LARP4B: variants seen among roughly 807,000 people sequenced by gnomAD.
LARP4B encodes the protein La ribonucleoprotein 4B.
A neutral mutation model predicts 89.8 loss-of-function variants in LARP4B; 12 were observed. The ratio of observed to expected loss-of-function variants is 0.13; its 90% CI spans 0.09 to 0.22. LARP4B has a LOEUF of 0.22. LARP4B is among the 10% of genes least tolerant of loss of function. The pLI, the probability that LARP4B is intolerant of heterozygous loss-of-function variation, is 1.00. For synonymous variants in LARP4B, 367 were observed against 363.3 expected, an observed-to-expected ratio of 1.01 and a Z score of -0.12; for missense variants, 757 against 947.7, an observed-to-expected ratio of 0.80 and a Z score of 2.64.
intron 1 of LARP4B, among the ~76,000 whole-genome samples, chr10:904,275 C>T (rs1047725733): frequency 1.3e-5 from 2 of 152,084 alleles, no homozygotes; most frequent in African/African-American, 4.8e-5. Context: ...TAAAATAGGC[C>T]GGGTGCAGTG....
chr10:941,601 G>A, the LARP4B span, among the ~76,000 whole-genome samples: 5 of 152,278 alleles, frequency 3.3e-5, no homozygotes, highest in South Asian at 8.3e-4. Context: ...GATTACAGGC[G>A]CGAGCCACTG....
At chr10:973,908 C>A in the LARP4B span, among the ~76,000 whole-genome samples, 4 of 152,258 alleles carry the variant, frequency 2.6e-5, no homozygotes, top group Non-Finnish European at 5.9e-5. Context: ...TGAGGTGTGA[C>A]AGAGTATTTC....
At chr10:941,407 G>A in the LARP4B span, among the ~76,000 whole-genome samples, 5 of 152,304 alleles carry the variant, frequency 3.3e-5, no homozygotes, top group Middle Eastern at 3.4e-3. Flanking sequence ...CTCTGCTCCT[G>A]GGTTCAAGCG....
At chr10:852,086 G>GT (rs1834084289) in intron 5 of LARP4B, among the ~76,000 whole-genome samples, 1 of 151,834 alleles carries the variant, frequency 6.6e-6, no homozygotes, top group Admixed American at 6.6e-5. Flanking sequence ...AGTAAGTTTA[G>GT]TAAGTAAGAA....
chr10:947,970 C>T, the LARP4B span, among the ~76,000 whole-genome samples: 4 of 152,190 alleles, frequency 2.6e-5, no homozygotes, highest in East Asian at 5.8e-4. Flanking sequence ...TGGCTGAAAA[C>T]TTACCACGCT....
chr10:898,880 A>C (rs931737461), intron 1 of LARP4B, among the ~76,000 whole-genome samples: 1 of 152,212 alleles, frequency 6.6e-6, no homozygotes, highest in Non-Finnish European at 1.5e-5. Context: ...ATGCACATAT[A>C]ATTTTGCTAT....
At chr10:839,532 G>C (rs1833407301) in intron 7 of LARP4B, among the ~76,000 whole-genome samples, 1 of 152,184 alleles carries the variant, frequency 6.6e-6, no homozygotes, top group Non-Finnish European at 1.5e-5. Context: ...AGGCAAATAA[G>C]CTCATTTAAA....
rs565022429 is a variant in LARP4B at position 814,675 on chromosome 10, T to C, written c.1929+67A>G. 6.4e-7 allele frequency: 1 copy of C among 1,552,740 alleles called. No homozygotes were observed. The highest frequency in any genetic ancestry group is 1.4e-5 in the African/African-American group (1 of 73,042). On this transcript the variant is annotated intron_variant, in intron 17 of 17. Transcript: ENST00000316157. This position sits in a 1 kb window ranked among gnomAD's most constrained non-coding sequence, Gnocchi z 4.4. Reference sequence around the variant, plus strand: ...ATTAAAAAACGAGCAGGTGCAGGAGTGCGCAGCGTCTGTTCACACCAGAGC... The same window carrying C: ...ATTAAAAAACGAGCAGGTGCAGGAGCGCGCAGCGTCTGTTCACACCAGAGC...
intron 5 of LARP4B, among the ~76,000 whole-genome samples, chr10:858,989 A>C (rs952595156): frequency 6.6e-6 from 1 of 152,068 alleles, no homozygotes; most frequent in Non-Finnish European, 1.5e-5. Flanking sequence ...CTGTCTCTAC[A>C]AAAAATACAA....
chr10:969,094 C>CT, the LARP4B span, among the ~76,000 whole-genome samples: 1 of 152,276 alleles, frequency 6.6e-6, no homozygotes, highest in South Asian at 2.1e-4. Flanking sequence ...ACCAGGAACT[C>CT]TGTCTTATGA....
rs1312846124 is a variant in LARP4B at position 867,716 on chromosome 10, C to T, written c.142-3446G>A. ...TCTCTACTGAAAATACAAAAGTTAG[C>T]TGGGTGTGGTGGCACACACCTGTAA... On this transcript the variant is annotated intron_variant, in intron 3 of 17. Transcript: ENST00000316157. Among the ~76,000 whole-genome samples, 4 of 151,924 alleles carry T rather than the reference C, an allele frequency of 2.6e-5. No homozygotes were observed. In the East Asian group the frequency reaches 5.8e-4, roughly 22 times the overall value.
the LARP4B span, among the ~76,000 whole-genome samples, chr10:958,262 T>C: frequency 6.6e-6 from 1 of 152,178 alleles, no homozygotes; most frequent in African/African-American, 2.4e-5. Flanking sequence ...CTTAGCTGGG[T>C]GCTTGCAAAC....
chr10:930,972 C>T (rs1250492537), intron 1 of LARP4B, among the ~76,000 whole-genome samples: 1 of 150,070 alleles, frequency 6.7e-6, no homozygotes, highest in East Asian at 1.9e-4. Context: ...ACCCCGGCCC[C>T]GCCCAGGCCC....
the LARP4B span, among the ~76,000 whole-genome samples, chr10:978,310 T>C: frequency 2.6e-5 from 4 of 152,232 alleles, no homozygotes; most frequent in Admixed American, 2.6e-4. Flanking sequence ...AACGAGTTTC[T>C]CTTTGTAAGT....
chr10:935,319 C>G (rs1830735829), upstream of LARP4B, among the ~76,000 whole-genome samples: 1 of 152,200 alleles, frequency 6.6e-6, no homozygotes, highest in Non-Finnish European at 1.5e-5. Context: ...GGGCGGCATT[C>G]TTTTGGAGCC....
chr10:859,234 G>A (rs911663621), intron 5 of LARP4B, among the ~76,000 whole-genome samples: 1 of 149,670 alleles, frequency 6.7e-6, no homozygotes, highest in South Asian at 2.1e-4. Flanking sequence ...AGCTGAGATT[G>A]CTCCAGTGCA....
At chr10:913,872 G>A (rs937968248) in intron 1 of LARP4B, among the ~76,000 whole-genome samples, 2 of 152,090 alleles carry the variant, frequency 1.3e-5, no homozygotes, top group Non-Finnish European at 2.9e-5. Context: ...TCAAGCCACT[G>A]CACTCCAGCC....
At chr10:873,499 T>C (rs1835327908) in intron 3 of LARP4B, 2 of 775,190 alleles carry the variant, frequency 2.6e-6, no homozygotes, top group Non-Finnish European at 3.1e-6. Context: ...TTTTCTACAG[T>C]GTTCCAGTAT....
chr10:844,916 C>CT lies in LARP4B; in HGVS notation c.509+60dup. On this transcript the variant is annotated intron_variant, in intron 6 of 17. Transcript: ENST00000316157. ...TCATAAAATATCACATTTGTATATA[C>CT]TTTAACTATTTGCACAATACTAGAA... The CT allele has an allele frequency of 2.4e-6, 3 of 1,241,294 alleles. No individual in the cohort carries two copies. In the South Asian group the frequency reaches 3.9e-5, roughly 16 times the overall value. The allele number at this position is 1,241,294 out of a possible 1,614,324, so 76.9% of individuals were successfully genotyped here.
Sources: gnomAD v4.1 joint callset for allele counts (sites outside exome capture counted in the v4.1 genomes callset) on GRCh38, gnomAD v4.1.1 for gene constraint, Gnocchi (gnomAD v3.1) non-coding constraint, MANE v1.5 for transcripts, NCBI Gene and HGNC (gene_info 2026-07-23, HGNC 2026-07-21) for gene names.